Variants in PSPC1 observed in about 807,000 individuals in gnomAD.
PSPC1 encodes the protein paraspeckle protein 1.
Under a neutral mutation model 51.6 loss-of-function variants are expected in PSPC1, and 14 were observed. The observed-to-expected ratio is 0.27, with a 90% CI of 0.18 to 0.42. PSPC1 has a LOEUF of 0.42. PSPC1 is among the 10% of genes least tolerant of loss of function. The probability of loss-of-function intolerance (pLI) is 1.00; values close to 1 mark genes in which losing one functional copy is unlikely to be tolerated. For synonymous variants in PSPC1, 193 were observed against 231.9 expected, an observed-to-expected ratio of 0.83 and a Z score of 1.53; for missense variants, 406 against 701.1, an observed-to-expected ratio of 0.58 and a Z score of 4.75.
At chr13:19,750,459 A>AAAATAT (rs140176751) in intron 4 of PSPC1, among the ~76,000 whole-genome samples, 2 of 148,436 alleles carry the variant, frequency 1.3e-5, no homozygotes, top group African/African-American at 4.9e-5. Flanking sequence ...AACAAACAAA[A>AAAATAT]ATATATATAT....
At chr13:19,701,603 G>A (rs1879911547), downstream of PSPC1, among the ~76,000 whole-genome samples, 1 of 152,146 alleles carries the variant, frequency 6.6e-6, no homozygotes, top group South Asian at 2.1e-4. Context: ...ACATGAAAGA[G>A]TACGTATGAA....
intron 7 of PSPC1, chr13:19,675,972 T>C (rs1876588268): frequency 6.6e-6 from 1 of 152,198 alleles, no homozygotes; most frequent in Non-Finnish European, 1.5e-5. Context: ...GAAAGCAAAA[T>C]CTATAAAAGG....
chr13:19,692,610 A>T (rs1878700866), intron 6 of PSPC1, among the ~76,000 whole-genome samples: 1 of 152,072 alleles, frequency 6.6e-6, no homozygotes, highest in South Asian at 2.1e-4. Context: ...TCAAAACCAA[A>T]ACATTCAAAA....
chr13:19,747,595 T>C (rs1886125610), intron 4 of PSPC1, among the ~76,000 whole-genome samples: 1 of 152,192 alleles, frequency 6.6e-6, no homozygotes. Flanking sequence ...AGCTTCCCAG[T>C]GCTAGAATTA....
At chr13:19,779,122 A>G (rs1201638843) in intron 1 of PSPC1, among the ~76,000 whole-genome samples, 2 of 85,712 alleles carry the variant, frequency 2.3e-5, no homozygotes. Context: ...AAGTGAGGAG[A>G]CCCTCTGCCT....
downstream of PSPC1, among the ~76,000 whole-genome samples, chr13:19,671,635 T>A (rs1876133729): frequency 6.6e-6 from 1 of 152,188 alleles, no homozygotes; most frequent in Admixed American, 6.5e-5. Context: ...GTCTCTCTAA[T>A]AAAACAGTAA....
At chr13:19,757,411 G>T (rs983209424) in intron 3 of PSPC1, among the ~76,000 whole-genome samples, 1 of 152,054 alleles carries the variant, frequency 6.6e-6, no homozygotes, top group Non-Finnish European at 1.5e-5. Flanking sequence ...ATCCCCAATA[G>T]GTAGAGACTA....
intron 5 of PSPC1, 112 bp downstream of exon 5, chr13:19,741,453 C>A: frequency 1.4e-6 from 1 of 730,024 alleles, no homozygotes; most frequent in Non-Finnish European, 2.2e-6. Context: ...TTAAAATGGG[C>A]AATTTTTCTA....
intron 7 of PSPC1, among the ~76,000 whole-genome samples, chr13:19,677,219 C>G (rs913911305): frequency 8.3e-6 from 1 of 120,642 alleles, no homozygotes. Context: ...GGCGACAGAG[C>G]AAGACTCCGT....
At chr13:19,671,836 TAA>T, downstream of PSPC1, 1 of 1,614,148 alleles carries the variant, frequency 6.2e-7, no homozygotes, top group Non-Finnish European at 8.5e-7. Flanking sequence ...TTCAACAGGT[TAA>T]GTTGCTAATA....
At chr13:19,735,060 C>T (rs563898667) in intron 5 of PSPC1, among the ~76,000 whole-genome samples, 4 of 151,786 alleles carry the variant, frequency 2.6e-5, no homozygotes, top group Middle Eastern at 3.4e-3. Flanking sequence ...GCTTGTAATC[C>T]CAGCGCTTTG....
chr13:19,726,304 G>A (rs1883352839), intron 6 of PSPC1, among the ~76,000 whole-genome samples: 1 of 152,152 alleles, frequency 6.6e-6, no homozygotes. Context: ...TACAAGGCCA[G>A]TAGTTTTGAA....
chr13:19,776,050 C>CA (rs373885544), intron 1 of PSPC1, among the ~76,000 whole-genome samples: 71 of 140,348 alleles, frequency 5.1e-4, no homozygotes, highest in Admixed American at 3.2e-3. Flanking sequence ...GACTCCATCT[C>CA]AAAAAAAAAA....
chr13:19,739,304 TTG>T (rs1885173025), intron 5 of PSPC1, among the ~76,000 whole-genome samples: 1 of 152,192 alleles, frequency 6.6e-6, no homozygotes, highest in Non-Finnish European at 1.5e-5. Context: ...CTCATATTGT[TTG>T]GTTTTAATGA....
intron 3 of PSPC1, among the ~76,000 whole-genome samples, chr13:19,756,304 T>A (rs975058387): frequency 6.6e-6 from 1 of 152,134 alleles, no homozygotes; most frequent in African/African-American, 2.4e-5. Context: ...AGTGGTACTT[T>A]CATTTTCAAT....
At chr13:19,712,277 T>C (rs751621617) in intron 6 of PSPC1, among the ~76,000 whole-genome samples, 2 of 152,228 alleles carry the variant, frequency 1.3e-5, no homozygotes, top group South Asian at 2.1e-4. Flanking sequence ...ACCACTAATA[T>C]AGGGTAATTG....
At chr13:19,746,980 T>C (rs768467662) in intron 4 of PSPC1, among the ~76,000 whole-genome samples, 3 of 151,964 alleles carry the variant, frequency 2.0e-5, no homozygotes, top group Non-Finnish European at 4.4e-5. Flanking sequence ...TGGTGGCGCA[T>C]GCCTGTAATC....
intron 7 of PSPC1, among the ~76,000 whole-genome samples, chr13:19,708,322 T>C (rs925844122): frequency 1.3e-5 from 2 of 152,234 alleles, no homozygotes; most frequent in African/African-American, 4.8e-5. Context: ...TTGTTTGCCA[T>C]GGTAGTGTAA....
chr13:19,752,996 G>A (rs1361737501), intron 3 of PSPC1, among the ~76,000 whole-genome samples: 1 of 151,874 alleles, frequency 6.6e-6, no homozygotes, highest in African/African-American at 2.4e-5. Flanking sequence ...AAGACTCACT[G>A]CCGAGACTGG....
Sources: gnomAD v4.1 joint callset for allele counts (sites outside exome capture counted in the v4.1 genomes callset) on GRCh38, gnomAD v4.1.1 for gene constraint, MANE v1.5 for transcripts, NCBI Gene and HGNC (gene_info 2026-07-23, HGNC 2026-07-21) for gene names.